Variants in CD302 observed in about 807,000 individuals in gnomAD.
CD302 encodes the protein CD302 molecule, also known as CD302 antigen.
Under a neutral mutation model 26.5 loss-of-function variants are expected in CD302, and 23 were observed. That is an observed-to-expected ratio of 0.87 (90% CI 0.62 to 1.23). The LOEUF (loss-of-function observed/expected upper bound fraction) is 1.23. CD302 is among the 50% of genes most tolerant of loss of function. The pLI is 0.00. For missense variants in CD302, 290 were observed against 275.5 expected, an observed-to-expected ratio of 1.05 and a Z score of -0.37; for synonymous variants, 90 against 99.4, an observed-to-expected ratio of 0.91 and a Z score of 0.56.
chr2:159,794,944 G>T (rs1179237828), intron 1 of CD302, among the ~76,000 whole-genome samples: 2 of 151,684 alleles, frequency 1.3e-5, no homozygotes, highest in Non-Finnish European at 2.9e-5. Context: ...GTGGCATCAG[G>T]CCGGGCACGG....
intron 1 of CD302, among the ~76,000 whole-genome samples, chr2:159,787,015 T>C (rs1014843093): frequency 1.3e-5 from 2 of 152,246 alleles, no homozygotes; most frequent in Non-Finnish European, 2.9e-5. Context: ...TAAATGTTAC[T>C]TTAAAAATCA....
chr2:159,797,431 G>A (rs903279503), intron 1 of CD302, among the ~76,000 whole-genome samples: 7 of 152,016 alleles, frequency 4.6e-5, no homozygotes, highest in Admixed American at 2.0e-4. Flanking sequence ...TAAAGACCAC[G>A]GTCAATAGAA....
intron 1 of CD302, among the ~76,000 whole-genome samples, chr2:159,786,093 G>C (rs1200127973): frequency 1.3e-5 from 2 of 152,052 alleles, no homozygotes. Flanking sequence ...CATCATCATT[G>C]GCATCTTTTG....
intron 5 of CD302, among the ~76,000 whole-genome samples, chr2:159,772,471 A>C (rs1311806804): frequency 6.6e-6 from 1 of 152,142 alleles, no homozygotes; most frequent in Non-Finnish European, 1.5e-5. Context: ...GATTTGTTTA[A>C]CTGAAAAAAA....
intron 3 of CD302, 77 bp from the exon 4 acceptor site, chr2:159,780,255 G>T (rs960285723): frequency 9.3e-6 from 14 of 1,506,542 alleles, no homozygotes; most frequent in African/African-American, 2.8e-5. Flanking sequence ...AGGATTAAAG[G>T]TGGAAAGTTA....
chr2:159,794,292 TAA>T (rs1708885730), intron 1 of CD302, among the ~76,000 whole-genome samples: 11 of 45,650 alleles, frequency 2.4e-4, no homozygotes, highest in African/African-American at 4.3e-4. Context: ...TAAAATAAAA[TAA>T]AATAAAATAA....
Position 159,784,257 on chromosome 2 carries a change from C to T in CD302, c.68-788G>A, listed in dbSNP as rs1708600863. On this transcript the variant is annotated intron_variant, in intron 1 of 5. Coordinates refer to ENST00000259053, the MANE Select transcript of CD302 (RefSeq NM_014880.5). ...GAATAAAGAAGTACAAAGCAGTAAG[C>T]GTCCATATTCTGTTAGGTTTGTATA... is the stretch of plus-strand genomic sequence containing the variant. 3.3e-5 allele frequency among the ~76,000 whole-genome samples: 5 copies of T among 150,788 alleles called. No homozygotes were observed. The South Asian group carries it at 6.3e-4, about 19-fold the overall frequency.
intron 5 of CD302, among the ~76,000 whole-genome samples, chr2:159,776,343 C>T (rs945055324): frequency 3.3e-5 from 5 of 152,134 alleles, no homozygotes; most frequent in African/African-American, 1.2e-4. Flanking sequence ...ATGCTATGAA[C>T]ATAGATACAC....
chr2:159,791,474 A>T (rs1663875356), intron 1 of CD302, among the ~76,000 whole-genome samples: 1 of 152,244 alleles, frequency 6.6e-6, no homozygotes, highest in African/African-American at 2.4e-5. Context: ...TTACCCTCTG[A>T]TGGCCTATAC....
At chr2:159,777,816 T>C (rs995622842) in intron 5 of CD302, 122 bp downstream of exon 5, 6 of 459,048 alleles carry the variant, frequency 1.3e-5, no homozygotes, top group Admixed American at 4.3e-5. Flanking sequence ...TACATTCTTA[T>C]AAAAATTGTT....
At chr2:159,788,983 C>G (rs1364982195) in intron 1 of CD302, among the ~76,000 whole-genome samples, 1 of 151,848 alleles carries the variant, frequency 6.6e-6, no homozygotes, top group Non-Finnish European at 1.5e-5. Flanking sequence ...TATTAATGCA[C>G]TCTTAAGTTG....
chr2:159,777,537 CAT>C (rs1305910386), intron 5 of CD302, among the ~76,000 whole-genome samples: 2 of 152,092 alleles, frequency 1.3e-5, no homozygotes, highest in African/African-American at 4.8e-5. Context: ...AAAATGAGAA[CAT>C]AGGTCCAAAA....
chr2:159,781,354 G>A, intron 2 of CD302: 1 of 159,910 alleles, frequency 6.3e-6, no homozygotes, highest in Non-Finnish European at 1.4e-5. Context: ...TTTGAGACCA[G>A]CCTGGCCAAC....
At chr2:159,773,585 C>CAGTA (rs1427025362) in intron 5 of CD302, among the ~76,000 whole-genome samples, 1 of 152,206 alleles carries the variant, frequency 6.6e-6, no homozygotes, top group African/African-American at 2.4e-5. Context: ...GGGCGAGACA[C>CAGTA]AGTAAGTATA....
intron 5 of CD302, among the ~76,000 whole-genome samples, chr2:159,777,099 A>G (rs1202130900): frequency 6.6e-6 from 1 of 151,116 alleles, no homozygotes; most frequent in Non-Finnish European, 1.5e-5. Context: ...TGTACAAAAA[A>G]AGTTAGCTGG....
Position 159,771,707 on chromosome 2 carries a change from G to T in CD302, c.*144C>A. The T allele has an allele frequency of 1.1e-6, 1 of 925,838 alleles. No homozygotes were observed. Among genetic ancestry groups the T allele is most frequent in the Non-Finnish European group, 1.6e-6 (1 of 628,010 alleles). 57.4% of individuals were successfully genotyped at this position (925,838 alleles called of 1,614,324 possible). ...TTAATGAACCTAAAGACTTTTCACA[G>T]CAGATGAGTACATAAAAATGTTACT... On this transcript the variant is annotated 3_prime_UTR_variant, in exon 6 of 6. Transcript: ENST00000259053.
intron 3 of CD302, 78 bp downstream of exon 3, chr2:159,780,804 A>G: frequency 3.8e-6 from 5 of 1,315,880 alleles, no homozygotes; most frequent in Non-Finnish European, 5.4e-6. Flanking sequence ...CTTGAACCAG[A>G]GAATTGAAAA....
chr2:159,795,971 C>T lies in CD302; in HGVS notation c.67+2161G>A, dbSNP rs190052247. Among the ~76,000 whole-genome samples, 7 of 152,260 alleles carry T rather than the reference C, an allele frequency of 4.6e-5. No homozygotes were observed. The East Asian group carries it at 9.6e-4, about 21-fold the overall frequency. On this transcript the variant is annotated intron_variant, in intron 1 of 5. Coordinates refer to ENST00000259053, the MANE Select transcript of CD302 (RefSeq NM_014880.5). ...TCTATTATGTGCTTAAGCACCCTTA[C>T]GGAAAAACTTTTTAAAGCGATGCCA...
At chr2:159,788,064 A>T (rs1708714100) in intron 1 of CD302, among the ~76,000 whole-genome samples, 1 of 151,846 alleles carries the variant, frequency 6.6e-6, no homozygotes, top group African/African-American at 2.4e-5. Context: ...CCAAGATTGC[A>T]CCACTGCACT....
Sources: gnomAD v4.1 joint callset for allele counts (sites outside exome capture counted in the v4.1 genomes callset) on GRCh38, gnomAD v4.1.1 for gene constraint, MANE v1.5 for transcripts, NCBI Gene and HGNC (gene_info 2026-07-23, HGNC 2026-07-21) for gene names.